The following NBEA variants were observed in gnomAD, a reference collection of about 807,000 sequenced individuals.
NBEA encodes the protein neurobeachin.
A neutral mutation model predicts 343.4 loss-of-function variants in NBEA; 44 were observed. The ratio of observed to expected loss-of-function variants is 0.13; its 90% confidence interval spans 0.10 to 0.16. The LOEUF (loss-of-function observed/expected upper bound fraction) is 0.16, where lower values mean the gene tolerates loss of function less well. Ranked by LOEUF, NBEA falls within the 10% of genes least tolerant of loss-of-function variation. The pLI, the probability that NBEA is intolerant of heterozygous loss-of-function variation, is 1.00. For missense variants in NBEA, 2,555 were observed against 3,631.3 expected (o/e 0.70, Z 7.62); for synonymous variants, 1,175 against 1,238.7 (o/e 0.95, Z 1.08).
chr13:34,989,182 A>G (rs1335854638), intron 1 of NBEA, among the ~76,000 whole-genome samples: 1 of 151,098 alleles, frequency 6.6e-6, no homozygotes, highest in East Asian at 1.9e-4. Flanking sequence ...CTTAAAAAAT[A>G]GAAATGTTCA....
intron 28 of NBEA, 121 bp downstream of exon 28, chr13:35,177,224 A>C (rs754654871): frequency 7.4e-6 from 5 of 673,734 alleles, no homozygotes; most frequent in Non-Finnish European, 1.3e-5. Flanking sequence ...TTGTTGGTTT[A>C]TTGCATACTT....
At chr13:35,581,693 T>G (rs2081044122) in intron 45 of NBEA, among the ~76,000 whole-genome samples, 1 of 121,012 alleles carries the variant, frequency 8.3e-6, no homozygotes, top group Admixed American at 1.1e-4. Flanking sequence ...TGAGAACACA[T>G]GGACACAGGA....
At chr13:35,056,703 G>A in intron 7 of NBEA, among the ~76,000 whole-genome samples, 1 of 152,042 alleles carries the variant, frequency 6.6e-6, no homozygotes, top group East Asian at 1.9e-4. Flanking sequence ...TGGAGCAGAG[G>A]GAGGAAGAGG....
At chr13:35,272,366 G>A (rs2034230717) in intron 34 of NBEA, among the ~76,000 whole-genome samples, 1 of 152,096 alleles carries the variant, frequency 6.6e-6, no homozygotes, top group African/African-American at 2.4e-5. Context: ...CACTAAACTT[G>A]GAAAGGAACA....
chr13:34,980,119 G>T (rs2060308320), intron 1 of NBEA, among the ~76,000 whole-genome samples: 1 of 152,018 alleles, frequency 6.6e-6, no homozygotes, highest in Admixed American at 6.6e-5. Flanking sequence ...TGTAAATTTT[G>T]AAATCAGGTA....
chr13:35,637,714 CG>C (rs2083753723), intron 49 of NBEA, among the ~76,000 whole-genome samples: 1 of 151,490 alleles, frequency 6.6e-6, no homozygotes, highest in Non-Finnish European at 1.5e-5. Flanking sequence ...CCCAGCTACT[CG>C]GGAGGCTGAG....
chr13:34,980,431 A>ATTTTATTACAT (rs2060318878), intron 1 of NBEA, among the ~76,000 whole-genome samples: 2 of 143,136 alleles, frequency 1.4e-5, no homozygotes, highest in African/African-American at 5.2e-5. Flanking sequence ...TTTTTATTAC[A>ATTTTATTACAT]TTTTATTACA....
chr13:35,563,132 G>GAGATAGATAGATAGAT (rs3075543), intron 44 of NBEA, among the ~76,000 whole-genome samples: 4 of 123,474 alleles, frequency 3.2e-5, no homozygotes, highest in Middle Eastern at 4.0e-3. Flanking sequence ...TGTGTGTGTG[G>GAGATAGATAGATAGAT]AGATAGATAG....
At position 35,217,432 on chromosome 13, in the gene NBEA, G is replaced by A. The variant is rs2074125468; in HGVS notation, c.5648+6253G>A. Among the ~76,000 whole-genome samples, 3 of 151,980 alleles carry A rather than the reference G, an allele frequency of 2.0e-5. No homozygotes were observed. The South Asian group carries it at 6.2e-4, about 32-fold the overall frequency. ...TAAGCTTTTGGTGTCATGTCTAAGA[G>A]CTCTTCACCTACCTCTACTTTCCCA... On this transcript the variant is annotated intron_variant, in intron 33 of 58. Transcript: ENST00000379939.
intron 12 of NBEA, 57 bp downstream of exon 12, chr13:35,109,499 C>T (rs2066078527): frequency 1.4e-6 from 2 of 1,427,692 alleles, no homozygotes; most frequent in African/African-American, 1.4e-5. Context: ...ATTATAGTTG[C>T]TGGATCTATA....
chr13:35,189,228 A>G (rs145419724), intron 30 of NBEA, among the ~76,000 whole-genome samples: 3 of 152,114 alleles, frequency 2.0e-5, no homozygotes, highest in East Asian at 3.9e-4. Flanking sequence ...CACATTTTCA[A>G]TAATAGCCAT....
intron 38 of NBEA, among the ~76,000 whole-genome samples, chr13:35,364,711 A>G (rs1361411338): frequency 6.6e-6 from 1 of 151,878 alleles, no homozygotes; most frequent in African/African-American, 2.4e-5. Context: ...AGATAAATCC[A>G]GGAAAGGAAG....
chr13:35,315,757 G>A (rs1045444706), intron 36 of NBEA, among the ~76,000 whole-genome samples: 1 of 152,060 alleles, frequency 6.6e-6, no homozygotes, highest in African/African-American at 2.4e-5. Flanking sequence ...GTTTTTAAGA[G>A]GAGAAGCATA....
chr13:35,012,420 G>A (rs529142316), intron 1 of NBEA, among the ~76,000 whole-genome samples: 54 of 152,312 alleles, frequency 3.5e-4, no homozygotes, highest in African/African-American at 1.3e-3. Context: ...CAACAATGTT[G>A]TATTGGGGAT....
At chr13:35,080,927 G>A (rs534362480) in intron 10 of NBEA, among the ~76,000 whole-genome samples, 1 of 152,192 alleles carries the variant, frequency 6.6e-6, no homozygotes, top group East Asian at 1.9e-4. Context: ...ATCCCTTCCA[G>A]CAACTCTTGG....
intron 34 of NBEA, among the ~76,000 whole-genome samples, chr13:35,286,163 C>G (rs1163598348): frequency 6.6e-6 from 1 of 152,088 alleles, no homozygotes; most frequent in Non-Finnish European, 1.5e-5. Flanking sequence ...ATATTATCTG[C>G]CCCACATCCC....
At chr13:35,617,474 A>G (rs2082785349) in intron 48 of NBEA, among the ~76,000 whole-genome samples, 1 of 152,208 alleles carries the variant, frequency 6.6e-6, no homozygotes, top group Admixed American at 6.5e-5. Context: ...CGGAATAGAA[A>G]GGGAAAGCTA....
At chr13:35,305,262 G>A (rs1360390326) in intron 35 of NBEA, among the ~76,000 whole-genome samples, 1 of 152,172 alleles carries the variant, frequency 6.6e-6, no homozygotes, top group African/African-American at 2.4e-5. Context: ...TAACTCTAGT[G>A]CATGTTAAGT....
intron 34 of NBEA, among the ~76,000 whole-genome samples, chr13:35,263,836 C>T (rs2033431321): frequency 6.6e-6 from 1 of 151,860 alleles, no homozygotes; most frequent in Non-Finnish European, 1.5e-5. Flanking sequence ...AGAAAGATCT[C>T]ACACAACCTA....
Sources: gnomAD v4.1 joint callset for allele counts (sites outside exome capture counted in the v4.1 genomes callset) on GRCh38, gnomAD v4.1.1 for gene constraint, MANE v1.5 for transcripts, NCBI Gene and HGNC (gene_info 2026-07-23, HGNC 2026-07-21) for gene names.